Variants in SLX9 observed in about 807,000 individuals in gnomAD.
SLX9 encodes ribosome biogenesis protein SLX9 homolog.
SLX9 carries 19 observed loss-of-function variants against 20.8 expected under a neutral mutation model. The observed-to-expected ratio is 0.91, with a 90% confidence interval of 0.64 to 1.34. SLX9 has a LOEUF of 1.34. Among genes scored for constraint, SLX9 ranks in the 40% most tolerant of loss-of-function variants. The pLI, the probability that SLX9 is intolerant of heterozygous loss-of-function variation, is 0.00. For missense variants in SLX9, 299 were observed against 322.2 expected, an observed-to-expected ratio of 0.93 and a Z score of 0.55; for synonymous variants, 113 against 137.1, an observed-to-expected ratio of 0.82 and a Z score of 1.23.
chr21:44,966,653 A>G (rs2085040970), intron 3 of SLX9, among the ~76,000 whole-genome samples: 1 of 151,874 alleles, frequency 6.6e-6, no homozygotes, highest in African/African-American at 2.4e-5. Flanking sequence ...TGAGCCTCCC[A>G]GGCTGTGACT....
intron 4 of SLX9, among the ~76,000 whole-genome samples, chr21:44,967,957 G>T (rs2085069134): frequency 6.6e-6 from 1 of 152,134 alleles, no homozygotes; most frequent in Non-Finnish European, 1.5e-5. Flanking sequence ...GCAGGCCCCT[G>T]CCCCACCCTT....
rs1219947741 is a variant in SLX9, at chr21:44,976,881, G to A, written c.*78G>A. The A allele has an allele frequency of 3.6e-5, 54 of 1,520,692 alleles. No homozygotes were observed. The highest frequency in any genetic ancestry group is 4.7e-5 in the Non-Finnish European group (54 of 1,137,778). The allele number at this position is 1,520,692 out of a possible 1,614,324, so 94.2% of individuals were successfully genotyped here. On this transcript the variant is annotated 3_prime_UTR_variant, in exon 6 of 6. Coordinates refer to ENST00000291634, the MANE Select transcript of SLX9 (RefSeq NM_058190.4). ...GAGCGCCGGCCCCTCAAGGACCATGGCCTGAGCCTGGTGGACGCCCTTCCC... is the reference window on the plus strand; with the variant it reads ...GAGCGCCGGCCCCTCAAGGACCATGACCTGAGCCTGGTGGACGCCCTTCCC...
rs116862873 is a variant in SLX9 at position 44,960,736 on chromosome 21, C to T, written c.352+568C>T. On this transcript the variant is annotated intron_variant, in intron 3 of 5. Transcript: ENST00000291634. ...CTCTTTTCTGAGGTCAGCCTTGCCA[C>T]GTGCTCCCAGCTGCACGTCTCCGCA... Among the ~76,000 whole-genome samples the T allele has an allele frequency of 1.9e-3, 290 of 152,364 alleles. 10 individuals carry two copies. In the East Asian group the frequency reaches 0.046, roughly 24 times the overall value.
rs146942728 is a variant in SLX9, at chr21:44,960,116, C to G, written c.300C>G (p.Thr100=). The change falls in exon 3 of 6, where the codon ACC becomes ACG. Residue 100 remains threonine (T), a synonymous_variant. Coordinates refer to ENST00000291634, the MANE Select transcript of SLX9 (RefSeq NM_058190.4). The stretch of plus-strand genomic sequence containing the variant: ...TTTCCTCAGGTGCAGAGGCCAAGAC[C>G]GTTTTGCCCAAGAAGGAGAAAATGA... ...PSIRRGAEAK[T]VLPKKEKMKL... is the part of the protein sequence containing the mutation. The G allele has an allele frequency of 3.3e-4, 532 of 1,614,206 alleles. 1 individual carries two copies. Among genetic ancestry groups the G allele is most frequent in the Non-Finnish European group, 4.3e-4 (507 of 1,180,020 alleles).
At chr21:44,939,790 T>G (rs574679020), upstream of SLX9, 33 of 555,100 alleles carry the variant, frequency 5.9e-5, no homozygotes, top group Non-Finnish European at 9.7e-5. Context: ...ACCCCGGGCT[T>G]GGGTCCCCCA....
intron 5 of SLX9, among the ~76,000 whole-genome samples, chr21:44,975,722 G>A (rs2085249560): frequency 2.0e-5 from 3 of 152,258 alleles, no homozygotes; most frequent in African/African-American, 7.2e-5. Context: ...GACTTTACGG[G>A]GACAGCCCCA....
intron 2 of SLX9, among the ~76,000 whole-genome samples, chr21:44,955,333 C>CA (rs1331161635): frequency 6.6e-6 from 1 of 152,246 alleles, no homozygotes; most frequent in Non-Finnish European, 1.5e-5. Context: ...TGGGCACGTG[C>CA]ACCACCCCCT....
chr21:44,965,048 A>G (rs2085009666), intron 3 of SLX9, among the ~76,000 whole-genome samples: 1 of 152,198 alleles, frequency 6.6e-6, no homozygotes, highest in South Asian at 2.1e-4. Context: ...AATTTGCTTT[A>G]ATATCCGATA....
At chr21:44,957,773 C>T (rs2084884539) in intron 2 of SLX9, among the ~76,000 whole-genome samples, 3 of 152,200 alleles carry the variant, frequency 2.0e-5, no homozygotes, top group South Asian at 2.1e-4. Context: ...ATGAGCACCT[C>T]GTCTAGCCTT....
intron 3 of SLX9, among the ~76,000 whole-genome samples, chr21:44,963,949 A>G (rs2084989756): frequency 6.6e-6 from 1 of 152,272 alleles, no homozygotes; most frequent in African/African-American, 2.4e-5. Flanking sequence ...AAAAACAACA[A>G]CAAAAACCTA....
chr21:44,950,993 C>T (rs144336337), intron 2 of SLX9, among the ~76,000 whole-genome samples: 20,277 of 152,126 alleles, frequency 0.13, 1,453 homozygotes, highest in Admixed American at 0.2. Flanking sequence ...TCCTGGAGCA[C>T]GTGGCGGCGA....
At chr21:44,957,105 CTG>C (rs2084872444) in intron 2 of SLX9, among the ~76,000 whole-genome samples, 1 of 152,258 alleles carries the variant, frequency 6.6e-6, no homozygotes, top group African/African-American at 2.4e-5. Flanking sequence ...ATCCCTCTCT[CTG>C]TGCGGGGCCA....
At chr21:44,966,989 T>C (rs780894832) in intron 3 of SLX9, 45 bp from the exon 4 acceptor site, 1 of 1,570,320 alleles carries the variant, frequency 6.4e-7, no homozygotes, top group East Asian at 2.3e-5. Context: ...CCTGGGCTCC[T>C]CCTCTGCCTC....
chr21:44,955,345 A>G (rs949690910), intron 2 of SLX9, among the ~76,000 whole-genome samples: 10 of 151,962 alleles, frequency 6.6e-5, no homozygotes, highest in African/African-American at 2.4e-4. Context: ...CCACCCCCTC[A>G]CATGCTCGCC....
intron 2 of SLX9, among the ~76,000 whole-genome samples, chr21:44,954,007 C>G (rs1353361959): frequency 6.6e-6 from 1 of 152,162 alleles, no homozygotes; most frequent in Non-Finnish European, 1.5e-5. Context: ...TTTCTCTTGC[C>G]TTGTTACCCT....
chr21:44,955,896 C>T (rs2084849019), intron 2 of SLX9, among the ~76,000 whole-genome samples: 1 of 152,262 alleles, frequency 6.6e-6, no homozygotes, highest in African/African-American at 2.4e-5. Flanking sequence ...TCTGATACTT[C>T]ACAGGCGTTA....
At chr21:44,959,506 C>T (rs1048442147) in intron 2 of SLX9, among the ~76,000 whole-genome samples, 5 of 152,196 alleles carry the variant, frequency 3.3e-5, no homozygotes, top group Non-Finnish European at 7.3e-5. Flanking sequence ...CCCCGCCCAC[C>T]GGGCAGGTGG....
In SLX9 at chr21:44,945,796, C is replaced by T. The variant is rs192685290; in HGVS notation, c.283+1959C>T. Among the ~76,000 whole-genome samples, 242 of 152,324 alleles carry T rather than the reference C, an allele frequency of 1.6e-3. 2 individuals are homozygous for T. The highest frequency in any genetic ancestry group is 5.1e-3 in the African/African-American group (211 of 41,556). On this transcript the variant is annotated intron_variant, in intron 2 of 5. Coordinates refer to ENST00000291634, the MANE Select transcript of SLX9 (RefSeq NM_058190.4). ...CTTGATCTTGGCTCACTGCAACCTCCGCCTCCTGGGTTCAAGTGATTCCCC... is the reference window on the plus strand; with the variant it reads ...CTTGATCTTGGCTCACTGCAACCTCTGCCTCCTGGGTTCAAGTGATTCCCC...
chr21:44,955,300 G>A (rs921314549), intron 2 of SLX9, among the ~76,000 whole-genome samples: 18 of 151,664 alleles, frequency 1.2e-4, no homozygotes, highest in Non-Finnish European at 1.9e-4. Flanking sequence ...TGCTCCTGCC[G>A]CTTCTCCCCG....
Sources: allele counts gnomAD v4.1 joint callset (sites outside exome capture counted in the v4.1 genomes callset), GRCh38; gene constraint gnomAD v4.1.1; transcripts MANE v1.5; gene names NCBI Gene and HGNC (gene_info 2026-07-23, HGNC 2026-07-21).